KCNH1: variants seen among roughly 807,000 people sequenced by gnomAD.
The protein encoded by KCNH1 is voltage-gated delayed rectifier potassium channel KCNH1.
A neutral mutation model predicts 69.2 loss-of-function variants in KCNH1; 27 were observed. That is an observed-to-expected ratio of 0.39 (90% CI 0.29 to 0.54). The LOEUF is 0.54. KCNH1 is among the 20% of genes least tolerant of loss of function. The pLI is 0.68. For missense variants in KCNH1, 798 were observed against 1,261.6 expected, an observed-to-expected ratio of 0.63 and a Z score of 5.57; for synonymous variants, 456 against 487.7, an observed-to-expected ratio of 0.93 and a Z score of 0.86.
At chr1:210,801,145 T>C (rs2102403881) in intron 8 of KCNH1, among the ~76,000 whole-genome samples, 1 of 152,306 alleles carries the variant, frequency 6.6e-6, no homozygotes, top group Admixed American at 6.5e-5. Context: ...CCAAAAGGGC[T>C]TTAGAGGTCA....
At chr1:210,899,593 CA>C (rs1558517246) in intron 7 of KCNH1, among the ~76,000 whole-genome samples, 1 of 151,674 alleles carries the variant, frequency 6.6e-6, no homozygotes. Context: ...GTCTTGAGAC[CA>C]AAAAAATGAG....
intron 6 of KCNH1, among the ~76,000 whole-genome samples, chr1:210,989,157 A>T (rs1688896835): frequency 6.6e-6 from 1 of 152,218 alleles, no homozygotes; most frequent in Non-Finnish European, 1.5e-5. Flanking sequence ...GGCAAAAGAA[A>T]GTGGGCCAAG....
At chr1:210,973,775 C>G (rs1002079318) in intron 6 of KCNH1, among the ~76,000 whole-genome samples, 1 of 152,086 alleles carries the variant, frequency 6.6e-6, no homozygotes, top group Admixed American at 6.6e-5. Flanking sequence ...GTGGAAACAT[C>G]AACAAAATGA....
intron 7 of KCNH1, among the ~76,000 whole-genome samples, chr1:210,832,512 C>T (rs892896537): frequency 1.3e-5 from 2 of 152,068 alleles, no homozygotes; most frequent in African/African-American, 2.4e-5. Flanking sequence ...CCTACATTAA[C>T]GCTGTATATA....
chr1:211,033,847 T>A (rs188453097), intron 5 of KCNH1, among the ~76,000 whole-genome samples: 3 of 152,022 alleles, frequency 2.0e-5, no homozygotes, highest in Non-Finnish European at 4.4e-5. Flanking sequence ...CACACCAACA[T>A]GGCACATGTA....
At chr1:210,802,943 T>TA (rs372119219) in intron 8 of KCNH1, among the ~76,000 whole-genome samples, 8 of 150,938 alleles carry the variant, frequency 5.3e-5, no homozygotes, top group African/African-American at 1.5e-4. Context: ...AGTAACTCCT[T>TA]AAAAAAAAAT....
intron 10 of KCNH1, among the ~76,000 whole-genome samples, chr1:210,736,548 C>G (rs992737455): frequency 7.0e-6 from 1 of 142,524 alleles, no homozygotes; most frequent in Non-Finnish European, 1.6e-5. Flanking sequence ...CATCCCCCCT[C>G]CAAAAAAAAA....
At chr1:210,737,988 C>T (rs559546481) in intron 10 of KCNH1, among the ~76,000 whole-genome samples, 1 of 152,304 alleles carries the variant, frequency 6.6e-6, no homozygotes, top group African/African-American at 2.4e-5. Flanking sequence ...TTCTATCTCC[C>T]TTAGAATAAG....
At chr1:210,878,314 G>C (rs1434166462) in intron 7 of KCNH1, among the ~76,000 whole-genome samples, 3 of 151,898 alleles carry the variant, frequency 2.0e-5, no homozygotes, top group African/African-American at 7.3e-5. Context: ...GACATGTAGA[G>C]ACTAATTTGC....
At chr1:210,740,700 T>G (rs1683003649) in intron 10 of KCNH1, among the ~76,000 whole-genome samples, 1 of 143,538 alleles carries the variant, frequency 7.0e-6, no homozygotes, top group South Asian at 2.1e-4. Flanking sequence ...AATTTTATGA[T>G]TAAATTTTTT....
chr1:211,123,800 G>C (rs1012505286), intron 1 of KCNH1, among the ~76,000 whole-genome samples: 1 of 152,126 alleles, frequency 6.6e-6, no homozygotes, highest in Non-Finnish European at 1.5e-5. Context: ...CAGGAGAGGA[G>C]AGGACATGAG....
intron 7 of KCNH1, among the ~76,000 whole-genome samples, chr1:210,827,803 C>CA (rs1285690906): frequency 3.3e-5 from 5 of 152,106 alleles, no homozygotes; most frequent in African/African-American, 9.7e-5. Context: ...TTATTTTAGG[C>CA]AAAATTGCCC....
chr1:211,071,656 TAATAA>T (rs1558592119), intron 5 of KCNH1, among the ~76,000 whole-genome samples: 1 of 152,226 alleles, frequency 6.6e-6, no homozygotes, highest in African/African-American at 2.4e-5. Flanking sequence ...TTTACGATAA[TAATAA>T]AATAGACTAG....
intron 7 of KCNH1, among the ~76,000 whole-genome samples, chr1:210,909,807 T>C (rs113992152): frequency 0.014 from 2,170 of 152,324 alleles, 27 homozygotes; most frequent in Non-Finnish European, 0.019. Context: ...AAAGAGGGGC[T>C]GTCCAGGAGA....
chr1:210,782,854 C>T (rs1684014912), intron 9 of KCNH1, among the ~76,000 whole-genome samples: 2 of 152,326 alleles, frequency 1.3e-5, no homozygotes, highest in East Asian at 1.9e-4. Context: ...CCTCACAGGA[C>T]ACCAAATCTG....
Position 210,825,481 on chromosome 1 carries a change from G to A in KCNH1, c.1463-21315C>T, listed in dbSNP as rs914029679. Among the ~76,000 whole-genome samples, 7 of 152,138 alleles carry A rather than the reference G, an allele frequency of 4.6e-5. No homozygotes were observed. The South Asian group carries it at 1.0e-3, about 23-fold the overall frequency. On this transcript the variant is annotated intron_variant, in intron 7 of 10. Coordinates refer to ENST00000271751, the MANE Select transcript of KCNH1 (RefSeq NM_172362.3). ...AAACTGCCTTAATTCATGCTCAGGTGTCCACCATTTCACACACCTTTGCTT... is the reference window on the plus strand; with the variant it reads ...AAACTGCCTTAATTCATGCTCAGGTATCCACCATTTCACACACCTTTGCTT...
chr1:210,775,598 TC>T, intron 9 of KCNH1, 54 bp from the exon 10 acceptor site: 2 of 1,419,492 alleles, frequency 1.4e-6, no homozygotes, highest in Non-Finnish European at 2.0e-6. Flanking sequence ...GGTCTGCCCA[TC>T]CAGCTGGCTT....
At chr1:210,863,846 C>T (rs555755044) in intron 7 of KCNH1, among the ~76,000 whole-genome samples, 3 of 152,272 alleles carry the variant, frequency 2.0e-5, no homozygotes, top group Admixed American at 1.3e-4. Context: ...GTGCTCCACA[C>T]GAAGTACTCT....
intron 10 of KCNH1, among the ~76,000 whole-genome samples, chr1:210,734,014 C>G (rs1682809632): frequency 6.6e-6 from 1 of 151,754 alleles, no homozygotes; most frequent in African/African-American, 2.4e-5. Context: ...CACTCAGCTC[C>G]CCTAGAATTG....
Sources: allele counts gnomAD v4.1 joint callset (sites outside exome capture counted in the v4.1 genomes callset), GRCh38; gene constraint gnomAD v4.1.1; transcripts MANE v1.5; gene names NCBI Gene and HGNC (gene_info 2026-07-23, HGNC 2026-07-21).